Variants in PPFIA2 observed in about 807,000 individuals in gnomAD.
PPFIA2 encodes the protein liprin-alpha-2.
PPFIA2 carries 46 observed loss-of-function variants against 175.5 expected under a neutral mutation model. The observed-to-expected ratio is 0.26, with a 90% CI of 0.21 to 0.34. The LOEUF (loss-of-function observed/expected upper bound fraction) is 0.34, where lower values mean the gene tolerates loss of function less well. Ranked by LOEUF, PPFIA2 falls within the 10% of genes least tolerant of loss-of-function variation. The pLI is 1.00. For missense variants in PPFIA2, 1,179 were observed against 1,506.1 expected, an observed-to-expected ratio of 0.78 and a Z score of 3.60; for synonymous variants, 568 against 511.4, an observed-to-expected ratio of 1.11 and a Z score of -1.49.
At chr12:81,683,822 G>C (rs2074046429) in intron 3 of PPFIA2, among the ~76,000 whole-genome samples, 1 of 151,966 alleles carries the variant, frequency 6.6e-6, no homozygotes, top group African/African-American at 2.4e-5. Context: ...GAATTCTGAG[G>C]CCAGAAAGTT....
At chr12:81,745,946 A>ATTATCAGCACTTTTTAAACG (rs1555660624) in intron 3 of PPFIA2, among the ~76,000 whole-genome samples, 31 of 146,256 alleles carry the variant, frequency 2.1e-4, no homozygotes, top group Middle Eastern at 3.5e-3. Flanking sequence ...CAACAAACAA[A>ATTATCAGCACTTTTTAAACG]CAGCTTTCCA....
At chr12:81,672,146 A>G (rs2071541430) in intron 4 of PPFIA2, among the ~76,000 whole-genome samples, 1 of 152,008 alleles carries the variant, frequency 6.6e-6, no homozygotes, top group Non-Finnish European at 1.5e-5. Flanking sequence ...TAGGAAAATG[A>G]AAGGAAATAA....
chr12:81,571,597 AGGTCAACT>A (rs1163463430), intron 4 of PPFIA2, among the ~76,000 whole-genome samples: 2 of 152,138 alleles, frequency 1.3e-5, no homozygotes, highest in Non-Finnish European at 2.9e-5. Flanking sequence ...ATTATAATAA[AGGTCAACT>A]GGTTAATATG....
At chr12:81,735,340 A>G (rs924504605) in intron 3 of PPFIA2, among the ~76,000 whole-genome samples, 9 of 151,802 alleles carry the variant, frequency 5.9e-5, no homozygotes, top group African/African-American at 2.2e-4. Context: ...GAAATTCCTA[A>G]TGACTACAGA....
chr12:81,354,473 T>G (rs1270605886), intron 16 of PPFIA2, among the ~76,000 whole-genome samples: 1 of 152,300 alleles, frequency 6.6e-6, no homozygotes, highest in South Asian at 2.1e-4. Flanking sequence ...CCTCATCTGT[T>G]CAAGTTTTAT....
At chr12:81,620,159 CAAAAAAAAAAAAAAA>C (rs376856927) in intron 4 of PPFIA2, among the ~76,000 whole-genome samples, 41 of 54,608 alleles carry the variant, frequency 7.5e-4, no homozygotes, top group Non-Finnish European at 1.1e-3. Flanking sequence ...CACTCCTTCT[CAAAAAAAAAAAAAAA>C]AAAAAAAAGA....
At chr12:81,385,802 A>G (rs560227503) in intron 8 of PPFIA2, among the ~76,000 whole-genome samples, 1 of 152,264 alleles carries the variant, frequency 6.6e-6, no homozygotes, top group Admixed American at 6.5e-5. Context: ...ACAGCATGAT[A>G]GCTACAGTTA....
intron 4 of PPFIA2, among the ~76,000 whole-genome samples, chr12:81,513,743 A>G (rs1332943210): frequency 6.6e-6 from 1 of 152,036 alleles, no homozygotes; most frequent in East Asian, 1.9e-4. Context: ...TCAACAATAT[A>G]TAATAAAGAT....
rs953472837 is a variant in PPFIA2 at position 81,758,404 on chromosome 12, T to A, written c.-7A>T. 2.2e-6 allele frequency: 1 copy of A among 456,544 alleles called. No homozygotes were observed. The highest frequency in any genetic ancestry group is 3.3e-4 in the Middle Eastern group (1 of 3,070). 28.3% of individuals were successfully genotyped at this position (456,544 alleles called of 1,614,324 possible). The stretch of plus-strand genomic sequence containing the variant: ...ACTCAAAGACAGCTTCTGTACCTAA[T>A]GTCTGTGATTTCGGGTCCTTGCTTC... On this transcript the variant is annotated 5_prime_UTR_variant, in exon 2 of 33. Transcript: ENST00000549396.
chr12:81,607,663 T>G (rs954724558), intron 4 of PPFIA2, among the ~76,000 whole-genome samples: 16 of 152,150 alleles, frequency 1.1e-4, no homozygotes, highest in Admixed American at 6.6e-4. Flanking sequence ...TGAAACTGTG[T>G]TAAAGTCACT....
chr12:81,583,329 C>T (rs568542047), intron 4 of PPFIA2, among the ~76,000 whole-genome samples: 5 of 151,728 alleles, frequency 3.3e-5, no homozygotes, highest in Non-Finnish European at 5.9e-5. Flanking sequence ...AGTTTTATTA[C>T]GTCTCTTTAC....
chr12:81,641,473 G>T lies in PPFIA2; in HGVS notation c.303+35318C>A, dbSNP rs977970165. ...GTCCGGTGATTGACTGTGGCCCAAA[G>T]AATGCCCCAGAAGTGAGGCTGTATG... On this transcript the variant is annotated intron_variant, in intron 4 of 32. Coordinates refer to ENST00000549396, the MANE Select transcript of PPFIA2 (RefSeq NM_003625.5). Among the ~76,000 whole-genome samples, 3 of 152,140 alleles carry T rather than the reference G, an allele frequency of 2.0e-5. No homozygotes were observed. The South Asian group carries it at 6.2e-4, about 32-fold the overall frequency.
chr12:81,293,991 C>T (rs2045746493), intron 24 of PPFIA2, among the ~76,000 whole-genome samples: 1 of 151,584 alleles, frequency 6.6e-6, no homozygotes. Flanking sequence ...TTTGTAGCAA[C>T]ATAAATGGAA....
chr12:81,295,488 C>A (rs138310533), intron 23 of PPFIA2, among the ~76,000 whole-genome samples: 1 of 152,266 alleles, frequency 6.6e-6, no homozygotes. Flanking sequence ...TGTGCCACAT[C>A]CAGCCATGTG....
intron 3 of PPFIA2, among the ~76,000 whole-genome samples, chr12:81,689,509 T>C (rs1490678714): frequency 2.0e-5 from 3 of 152,002 alleles, no homozygotes; most frequent in African/African-American, 4.8e-5. Flanking sequence ...AATGCATTGA[T>C]GTTATGTTAT....
intron 22 of PPFIA2, among the ~76,000 whole-genome samples, chr12:81,320,016 T>A (rs1395176779): frequency 2.0e-5 from 3 of 150,798 alleles, no homozygotes; most frequent in Non-Finnish European, 4.4e-5. Context: ...TTCTAACACA[T>A]CTTATAAATT....
chr12:81,553,394 T>G (rs1263457111), intron 4 of PPFIA2, among the ~76,000 whole-genome samples: 1 of 152,082 alleles, frequency 6.6e-6, no homozygotes, highest in East Asian at 1.9e-4. Context: ...CATACTCTTT[T>G]GAACGTTAGC....
intron 4 of PPFIA2, among the ~76,000 whole-genome samples, chr12:81,503,071 T>G (rs1332437947): frequency 6.6e-6 from 1 of 152,086 alleles, no homozygotes; most frequent in East Asian, 1.9e-4. Flanking sequence ...ATGGATTCTT[T>G]TCTCTAGACT....
At chr12:81,392,427 T>C (rs1184958411) in intron 8 of PPFIA2, among the ~76,000 whole-genome samples, 2 of 151,938 alleles carry the variant, frequency 1.3e-5, no homozygotes, top group African/African-American at 4.8e-5. Context: ...CAGTAAAGAA[T>C]AGTGAATATA....
Sources: allele counts gnomAD v4.1 joint callset (sites outside exome capture counted in the v4.1 genomes callset), GRCh38; gene constraint gnomAD v4.1.1; transcripts MANE v1.5; gene names NCBI Gene and HGNC (gene_info 2026-07-23, HGNC 2026-07-21).